CFAP54: variants seen among roughly 807,000 people sequenced by gnomAD.
The protein encoded by CFAP54 is cilia and flagella associated protein 54, also known as cilia- and flagella-associated protein 54.
A neutral mutation model predicts 370.4 loss-of-function variants in CFAP54; 290 were observed. The observed-to-expected ratio is 0.78, with a 90% confidence interval of 0.71 to 0.86. CFAP54 has a LOEUF of 0.86. CFAP54 is among the 40% of genes least tolerant of loss of function. The pLI is 0.00. For missense variants in CFAP54, 3,399 were observed against 3,528.7 expected (o/e 0.96, Z 0.93); for synonymous variants, 1,206 against 1,236.5 (o/e 0.98, Z 0.52).
intron 50 of CFAP54, among the ~76,000 whole-genome samples, chr12:96,730,628 TC>T (rs1325514039): frequency 1.3e-5 from 2 of 152,230 alleles, no homozygotes; most frequent in Non-Finnish European, 2.9e-5. Flanking sequence ...CTTATTTTTT[TC>T]ATTTATAATG....
chr12:96,670,468 C>T (rs990333528), intron 39 of CFAP54, among the ~76,000 whole-genome samples: 4 of 152,190 alleles, frequency 2.6e-5, no homozygotes, highest in Non-Finnish European at 5.9e-5. Flanking sequence ...GAAAGTGACA[C>T]AGGTCATGTC....
At chr12:96,548,577 C>G (rs942249900) in intron 15 of CFAP54, among the ~76,000 whole-genome samples, 2 of 152,162 alleles carry the variant, frequency 1.3e-5, no homozygotes, top group Non-Finnish European at 2.9e-5. Flanking sequence ...AATTTACTTC[C>G]TCAAATGCAC....
At chr12:96,743,093 A>C (rs1366070585) in intron 52 of CFAP54, among the ~76,000 whole-genome samples, 1 of 152,198 alleles carries the variant, frequency 6.6e-6, no homozygotes, top group African/African-American at 2.4e-5. Flanking sequence ...TGTAAATGTT[A>C]GTTCTTGCAG....
At chr12:96,548,700 C>T (rs1018253417) in intron 15 of CFAP54, among the ~76,000 whole-genome samples, 10 of 152,148 alleles carry the variant, frequency 6.6e-5, no homozygotes, top group Admixed American at 6.5e-4. Context: ...CAGAGACTGA[C>T]ATGCATAAGA....
intron 30 of CFAP54, among the ~76,000 whole-genome samples, chr12:96,629,678 T>C (rs1157679205): frequency 6.6e-6 from 1 of 152,152 alleles, no homozygotes; most frequent in Non-Finnish European, 1.5e-5. Context: ...ATTTAAATCT[T>C]CCTAATTTTT....
chr12:96,539,064 G>GTTTTTTTTTTTTTTTTTTTT (rs1314197505), intron 13 of CFAP54, among the ~76,000 whole-genome samples: 2 of 111,834 alleles, frequency 1.8e-5, no homozygotes, highest in Non-Finnish European at 3.6e-5. Flanking sequence ...GCCTTTTCAG[G>GTTTTTTTTTTTTTTTTTTTT]TTTTTTTTTT....
intron 36 of CFAP54, among the ~76,000 whole-genome samples, chr12:96,657,181 G>A (rs1956930871): frequency 6.6e-6 from 1 of 152,156 alleles, no homozygotes; most frequent in East Asian, 1.9e-4. Flanking sequence ...GCCCTTATAT[G>A]GATCTAAGAG....
chr12:96,601,746 A>G (rs1256129294), intron 26 of CFAP54, among the ~76,000 whole-genome samples: 1 of 152,124 alleles, frequency 6.6e-6, no homozygotes, highest in Non-Finnish European at 1.5e-5. Flanking sequence ...ATTTGCATAG[A>G]GGTGTTTATA....
chr12:96,664,722 T>TCCCATAATGGGATTGCTAGGTCA (rs1957048589), intron 39 of CFAP54, among the ~76,000 whole-genome samples: 1 of 7,746 alleles, frequency 1.3e-4, no homozygotes, highest in Non-Finnish European at 2.7e-4. Flanking sequence ...TATCTATATA[T>TCCCATAATGGGATTGCTAGGTCA]ATCTATATAT....
chr12:96,552,025 T>A (rs1179276202), intron 15 of CFAP54, among the ~76,000 whole-genome samples: 1 of 151,992 alleles, frequency 6.6e-6, no homozygotes, highest in Non-Finnish European at 1.5e-5. Context: ...GGCGGGTGGA[T>A]CACCTGAGGT....
At chr12:96,704,356 G>A (rs905730052) in intron 46 of CFAP54, among the ~76,000 whole-genome samples, 2 of 148,858 alleles carry the variant, frequency 1.3e-5, no homozygotes, top group Admixed American at 1.3e-4. Flanking sequence ...GAACCCGGGA[G>A]GTGGAGCTTG....
chr12:96,678,631 G>T (rs1182634560), intron 39 of CFAP54, among the ~76,000 whole-genome samples: 2 of 152,036 alleles, frequency 1.3e-5, no homozygotes, highest in African/African-American at 4.8e-5. Flanking sequence ...ATCCTCGAAG[G>T]CACAGCTGGC....
At chr12:96,639,479 C>G (rs1444019928) in intron 32 of CFAP54, among the ~76,000 whole-genome samples, 1 of 152,152 alleles carries the variant, frequency 6.6e-6, no homozygotes, top group Non-Finnish European at 1.5e-5. Context: ...GATGGATTCA[C>G]AGCCGAATTC....
chr12:96,702,892 C>G (rs1173562831), intron 46 of CFAP54, among the ~76,000 whole-genome samples: 1 of 152,078 alleles, frequency 6.6e-6, no homozygotes, highest in Non-Finnish European at 1.5e-5. Flanking sequence ...TACTATTGAA[C>G]TTTTCACAGG....
At chr12:96,831,601 T>C (rs1370533523) in intron 66 of CFAP54, among the ~76,000 whole-genome samples, 1 of 152,134 alleles carries the variant, frequency 6.6e-6, no homozygotes, top group Non-Finnish European at 1.5e-5. Context: ...ACAGCTTAGA[T>C]AGGGTGGTCA....
chr12:96,549,898 A>G (rs1955677384), intron 15 of CFAP54, among the ~76,000 whole-genome samples: 1 of 152,306 alleles, frequency 6.6e-6, no homozygotes, highest in East Asian at 1.9e-4. Context: ...AGAATTCGCA[A>G]TTCATAAGTT....
At chr12:96,677,759 C>A (rs1184523999) in intron 39 of CFAP54, among the ~76,000 whole-genome samples, 2 of 152,132 alleles carry the variant, frequency 1.3e-5, no homozygotes, top group African/African-American at 4.8e-5. Flanking sequence ...GCAGGGGAAA[C>A]AATTACTTCT....
chr12:96,795,035 C>T (rs1354924276), intron 63 of CFAP54, among the ~76,000 whole-genome samples: 1 of 152,188 alleles, frequency 6.6e-6, no homozygotes, highest in African/African-American at 2.4e-5. Context: ...CCCATCGAAG[C>T]TACCGGGCTC....
chr12:96,778,210 C>A (rs1228141790), intron 60 of CFAP54, among the ~76,000 whole-genome samples: 1 of 152,110 alleles, frequency 6.6e-6, no homozygotes, highest in African/African-American at 2.4e-5. Flanking sequence ...TGGGTGATTA[C>A]TGCAAATGGA....
Sources: allele counts gnomAD v4.1 joint callset (sites outside exome capture counted in the v4.1 genomes callset), GRCh38; gene constraint gnomAD v4.1.1; transcripts MANE v1.5; gene names NCBI Gene and HGNC (gene_info 2026-07-23, HGNC 2026-07-21).